SLC22A23: variants seen among roughly 807,000 people sequenced by gnomAD.
SLC22A23 encodes the protein solute carrier family 22 member 23.
SLC22A23 carries 26 observed loss-of-function variants against 61.0 expected under a neutral mutation model. The ratio of observed to expected loss-of-function variants is 0.43; its 90% CI spans 0.31 to 0.59. The LOEUF (loss-of-function observed/expected upper bound fraction) is 0.59, where lower values mean the gene tolerates loss of function less well. Ranked by LOEUF, SLC22A23 falls within the 20% of genes least tolerant of loss-of-function variation. The pLI, the probability that SLC22A23 is intolerant of heterozygous loss-of-function variation, is 0.11. For synonymous variants in SLC22A23, 430 were observed against 413.9 expected (o/e 1.04, Z -0.47); for missense variants, 796 against 934.7 (o/e 0.85, Z 1.94).
intron 1 of SLC22A23, among the ~76,000 whole-genome samples, chr6:3,426,669 C>CT (rs369397136): frequency 7.1e-4 from 108 of 151,658 alleles, no homozygotes; most frequent in Admixed American, 2.0e-3. Context: ...CTTTCTTTCT[C>CT]TTTTTTTTTC....
intron 1 of SLC22A23, among the ~76,000 whole-genome samples, chr6:3,445,737 G>GA (rs1771862640): frequency 6.6e-6 from 1 of 152,116 alleles, no homozygotes; most frequent in South Asian, 2.1e-4. Flanking sequence ...CGAGCAAGTG[G>GA]AATAGCATGA....
intron 3 of SLC22A23, among the ~76,000 whole-genome samples, chr6:3,339,987 C>T (rs1764061496): frequency 6.6e-6 from 1 of 152,152 alleles, no homozygotes; most frequent in African/African-American, 2.4e-5. Context: ...ACAATAATGG[C>T]TGAGGAACAT....
intron 3 of SLC22A23, among the ~76,000 whole-genome samples, chr6:3,401,459 C>T (rs1334988597): frequency 6.6e-6 from 1 of 152,172 alleles, no homozygotes. Context: ...AAATACTTGG[C>T]ATAGGACAAG....
chr6:3,310,416 C>CCTGT (rs143677438), intron 4 of SLC22A23, among the ~76,000 whole-genome samples: 61 of 115,468 alleles, frequency 5.3e-4, no homozygotes, highest in Admixed American at 1.6e-3. Flanking sequence ...ACTCAAGCAC[C>CCTGT]CTGTCTCCCA....
intron 3 of SLC22A23, among the ~76,000 whole-genome samples, chr6:3,385,566 T>TG (rs1440338291): frequency 6.6e-6 from 1 of 152,194 alleles, no homozygotes; most frequent in Non-Finnish European, 1.5e-5. Context: ...ATGTGTATTT[T>TG]ACCATGATCA....
intron 3 of SLC22A23, among the ~76,000 whole-genome samples, chr6:3,362,372 C>A (rs563631622): frequency 1.4e-5 from 2 of 138,998 alleles, no homozygotes; most frequent in South Asian, 4.7e-4. Flanking sequence ...CACTGCACTC[C>A]AGGCTGGGCG....
chr6:3,425,746 A>G (rs1416600104), intron 1 of SLC22A23, among the ~76,000 whole-genome samples: 1 of 152,174 alleles, frequency 6.6e-6, no homozygotes, highest in Non-Finnish European at 1.5e-5. Context: ...TTGCATGGAC[A>G]TTATTACCAG....
chr6:3,342,792 A>C lies in SLC22A23; in HGVS notation c.914-18790T>G, dbSNP rs1480545721. On this transcript the variant is annotated intron_variant, in intron 3 of 9. Coordinates refer to ENST00000406686, the MANE Select transcript of SLC22A23 (RefSeq NM_015482.2). The surrounding 1 kb of genome is among the most constrained non-coding windows in gnomAD (Gnocchi z 4.0). ...TCAGTGCTTGGGGCCTGTGAATTAA[A>C]CTGACAAAAGACAGGCTGGCAAGAG... 3.3e-5 allele frequency among the ~76,000 whole-genome samples: 5 copies of C among 152,176 alleles called. No individual in the cohort carries two copies. Among genetic ancestry groups the C allele is most frequent in the Non-Finnish European group, 7.3e-5 (5 of 68,038 alleles).
chr6:3,407,211 A>G (rs1407209130), intron 3 of SLC22A23, among the ~76,000 whole-genome samples: 1 of 152,248 alleles, frequency 6.6e-6, no homozygotes, highest in Non-Finnish European at 1.5e-5. Context: ...GAAGTACTTC[A>G]ACCCTGTGAC....
At chr6:3,419,197 A>G (rs6915982) in intron 1 of SLC22A23, among the ~76,000 whole-genome samples, 144,484 of 152,280 alleles carry the variant, frequency 0.95, 68,664 homozygotes, top group Middle Eastern at 0.98. Flanking sequence ...ACGTTACCCT[A>G]GTCACCTCCC....
intron 9 of SLC22A23, among the ~76,000 whole-genome samples, chr6:3,274,339 C>T (rs1446505664): frequency 2.0e-5 from 3 of 152,208 alleles, no homozygotes; most frequent in African/African-American, 7.2e-5. Flanking sequence ...GCCTGGTCCC[C>T]AGTTCTGGGG....
intron 4 of SLC22A23, among the ~76,000 whole-genome samples, chr6:3,316,873 C>A (rs772197151): frequency 6.6e-6 from 1 of 152,160 alleles, no homozygotes; most frequent in African/African-American, 2.4e-5. Context: ...GCTGTGCTCA[C>A]GTGATCTTCC....
chr6:3,289,265 G>A (rs139328452), intron 6 of SLC22A23, among the ~76,000 whole-genome samples: 72 of 152,360 alleles, frequency 4.7e-4, no homozygotes, highest in African/African-American at 1.5e-3. Context: ...GACCTGGGCC[G>A]GTGAGGGCCC....
chr6:3,405,556 T>C (rs1180544523), intron 3 of SLC22A23, among the ~76,000 whole-genome samples: 2 of 151,702 alleles, frequency 1.3e-5, no homozygotes, highest in African/African-American at 4.8e-5. Flanking sequence ...ACATCGGCAA[T>C]CTCCATTCTC....
intron 3 of SLC22A23, among the ~76,000 whole-genome samples, chr6:3,401,108 G>A (rs752889605): frequency 1.3e-5 from 2 of 152,258 alleles, no homozygotes; most frequent in South Asian, 2.1e-4. Flanking sequence ...TCGGGAGGCC[G>A]AGGTGGGTGG....
Position 3,444,950 on chromosome 6 carries a change from G to A in SLC22A23, c.654+10956C>T, listed in dbSNP as rs141928859. On this transcript the variant is annotated intron_variant, in intron 1 of 9. Coordinates refer to ENST00000406686, the MANE Select transcript of SLC22A23 (RefSeq NM_015482.2). Reference sequence around the variant, plus strand: ...AGTGCTTCTCAGACGACTCATCCCGGTCGTCCTCACCCCACCAAGGGGAGG... The same window carrying A: ...AGTGCTTCTCAGACGACTCATCCCGATCGTCCTCACCCCACCAAGGGGAGG... 14 of 985,466 alleles carry A rather than the reference G, an allele frequency of 1.4e-5. No individual in the cohort carries two copies. In the East Asian group the frequency reaches 1.6e-3, roughly 111 times the overall value. The allele number at this position is 985,466 out of a possible 1,614,324, so 61.0% of individuals were successfully genotyped here.
At chr6:3,417,560 G>A (rs1430641960) in intron 1 of SLC22A23, among the ~76,000 whole-genome samples, 2 of 152,142 alleles carry the variant, frequency 1.3e-5, no homozygotes, top group Non-Finnish European at 2.9e-5. Flanking sequence ...ACTGCTCCAG[G>A]GACCAGCAGC....
chr6:3,273,926 GAGT>G (rs1433488974), intron 9 of SLC22A23, among the ~76,000 whole-genome samples: 7 of 152,212 alleles, frequency 4.6e-5, no homozygotes, highest in African/African-American at 1.7e-4. Context: ...TACTTTAAAA[GAGT>G]AGTTTCCTCA....
rs956686126 is a variant in SLC22A23, at chr6:3,270,285, G to C, written c.*2770C>G. ...ACAGAGGGGTTCAAGCGTGACAGAC[G>C]GTGCTGGGAAGTGGGCAGCCGTAGC... On this transcript the variant is annotated 3_prime_UTR_variant, in exon 10 of 10. Coordinates refer to ENST00000406686, the MANE Select transcript of SLC22A23 (RefSeq NM_015482.2). The C allele has an allele frequency of 6.6e-6, 1 of 152,358 alleles. No homozygotes were observed. The highest frequency in any genetic ancestry group is 6.5e-5 in the Admixed American group (1 of 15,288). The allele number at this position is 152,358 out of a possible 1,614,324, so 9.4% of individuals were successfully genotyped here.
Sources: allele counts gnomAD v4.1 joint callset (sites outside exome capture counted in the v4.1 genomes callset), GRCh38; gene constraint gnomAD v4.1.1; non-coding constraint Gnocchi (gnomAD v3.1); transcripts MANE v1.5; gene names NCBI Gene and HGNC (gene_info 2026-07-23, HGNC 2026-07-21).